EYS: variants seen among roughly 807,000 people sequenced by gnomAD.
EYS encodes EGF-like photoreceptor maintenance factor.
In EYS, 250 loss-of-function variants were observed where a neutral mutation model predicts 282.1. That is an observed-to-expected ratio of 0.89 (90% CI 0.80 to 0.98). The LOEUF is 0.98. Ranked by LOEUF, EYS falls within the 50% of genes least tolerant of loss-of-function variation. The pLI, the probability that EYS is intolerant of heterozygous loss-of-function variation, is 0.00. For missense variants in EYS, 4,016 were observed against 3,709.0 expected, an observed-to-expected ratio of 1.08 and a Z score of -2.15; for synonymous variants, 1,355 against 1,282.9, an observed-to-expected ratio of 1.06 and a Z score of -1.20.
In EYS at chr6:64,138,530, G is replaced by A. The variant is rs542252227; in HGVS notation, c.6425-56528C>T. ...AGCTGTAATTACGGATATATGTGGGGTGAGGAGAGTCAAGAGAGTATACTT... is the reference window on the plus strand; with the variant it reads ...AGCTGTAATTACGGATATATGTGGGATGAGGAGAGTCAAGAGAGTATACTT... On this transcript the variant is annotated intron_variant, in intron 31 of 42. Coordinates refer to ENST00000503581, the MANE Select transcript of EYS (RefSeq NM_001142800.2). Among the ~76,000 whole-genome samples, 12 of 152,276 alleles carry A rather than the reference G, an allele frequency of 7.9e-5. 1 individual carries two copies. The highest frequency in any genetic ancestry group is 2.9e-4 in the African/African-American group (12 of 41,570).
chr6:64,156,535 A>G (rs1774928650), intron 31 of EYS, among the ~76,000 whole-genome samples: 1 of 152,192 alleles, frequency 6.6e-6, no homozygotes, highest in Admixed American at 6.5e-5. Context: ...AGGTTGCAAC[A>G]GTTTGGATGG....
intron 24 of EYS, among the ~76,000 whole-genome samples, chr6:64,602,416 G>C (rs1582943147): frequency 6.6e-6 from 1 of 151,948 alleles, no homozygotes; most frequent in Non-Finnish European, 1.5e-5. Context: ...CCAAATATGA[G>C]AGTTCAATAG....
intron 30 of EYS, among the ~76,000 whole-genome samples, chr6:64,284,023 T>C (rs954844278): frequency 2.0e-5 from 3 of 152,122 alleles, no homozygotes; most frequent in African/African-American, 7.2e-5. Flanking sequence ...ATTCCACCCC[T>C]GGCCCCTCCA....
intron 31 of EYS, among the ~76,000 whole-genome samples, chr6:64,124,325 C>G (rs1773690246): frequency 6.6e-6 from 1 of 152,144 alleles, no homozygotes; most frequent in African/African-American, 2.4e-5. Context: ...CTTGGATACT[C>G]CTACTCTCAT....
chr6:64,452,094 A>G (rs1180510679), intron 26 of EYS, among the ~76,000 whole-genome samples: 1 of 152,074 alleles, frequency 6.6e-6, no homozygotes, highest in Non-Finnish European at 1.5e-5. Flanking sequence ...CAACATGATT[A>G]TATATCTAGA....
chr6:63,811,196 T>G (rs1771037302), intron 36 of EYS, among the ~76,000 whole-genome samples: 1 of 152,214 alleles, frequency 6.6e-6, no homozygotes, highest in Non-Finnish European at 1.5e-5. Context: ...GTTTCTCTGC[T>G]CAACATACTA....
At chr6:64,800,561 A>G (rs1012957659) in intron 22 of EYS, among the ~76,000 whole-genome samples, 17 of 124,828 alleles carry the variant, frequency 1.4e-4, no homozygotes, top group African/African-American at 4.0e-4. Flanking sequence ...TTTTTTCCAA[A>G]GGAAGCTTTT....
chr6:65,379,972 A>C (rs1765546604), intron 8 of EYS, among the ~76,000 whole-genome samples: 1 of 152,132 alleles, frequency 6.6e-6, no homozygotes, highest in South Asian at 2.1e-4. Context: ...AAGAGATGAC[A>C]CAAACAAATG....
chr6:64,902,388 T>C lies in EYS; in HGVS notation c.2738+16A>G. 1.3e-6 allele frequency: 2 copies of C among 1,512,106 alleles called. No individual in the cohort carries two copies. The highest frequency in any genetic ancestry group is 1.8e-6 in the Non-Finnish European group (2 of 1,120,386). The allele number at this position is 1,512,106 out of a possible 1,614,324, so 93.7% of individuals were successfully genotyped here. On this transcript the variant is annotated intron_variant, in intron 17 of 42. Transcript: ENST00000503581. ...CACATAAACATGTATCTAGATACTT[T>C]TTAAGTTTTCTGTACCTGAAATTGT...
intron 33 of EYS, among the ~76,000 whole-genome samples, chr6:64,011,759 C>T (rs1389192745): frequency 6.6e-6 from 1 of 151,976 alleles, no homozygotes; most frequent in Admixed American, 6.6e-5. Context: ...GTGTGTGAAA[C>T]CTAGTTCATG....
chr6:64,141,715 T>C (rs1393362909), intron 31 of EYS, among the ~76,000 whole-genome samples: 1 of 152,226 alleles, frequency 6.6e-6, no homozygotes, highest in Non-Finnish European at 1.5e-5. Context: ...GCATGATCTA[T>C]AGCCTAATTT....
chr6:64,373,892 CCAGCTGAGTTTTACAGAAG>C (rs1325245223), intron 29 of EYS, among the ~76,000 whole-genome samples: 3 of 151,958 alleles, frequency 2.0e-5, no homozygotes, highest in African/African-American at 7.2e-5. Flanking sequence ...GCCGTGCTCT[CCAGCTGAGTTTTACAGAAG>C]CAGGACCACA....
chr6:64,966,864 C>T (rs1770111684), intron 14 of EYS, among the ~76,000 whole-genome samples: 1 of 152,150 alleles, frequency 6.6e-6, no homozygotes, highest in Non-Finnish European at 1.5e-5. Flanking sequence ...TTCACAAGTT[C>T]CACAGGTTCC....
chr6:64,686,910 T>C lies in EYS; in HGVS notation c.3444-60665A>G, dbSNP rs1268335053. Among the ~76,000 whole-genome samples the C allele has an allele frequency of 8.0e-5, 11 of 138,236 alleles. 3 individuals carry two copies. Among genetic ancestry groups the C allele is most frequent in the Non-Finnish European group, 1.4e-4 (9 of 64,480 alleles). The allele number at this position is 138,236 out of a possible 152,430, so 90.7% of individuals were successfully genotyped here. On this transcript the variant is annotated intron_variant, in intron 22 of 42. Coordinates refer to ENST00000503581, the MANE Select transcript of EYS (RefSeq NM_001142800.2). ...ACACACATATATATGTGTATATATA[T>C]ACACACATATATATACGTATATATA...
intron 28 of EYS, among the ~76,000 whole-genome samples, chr6:64,402,997 G>A (rs1265024930): frequency 6.6e-6 from 1 of 152,008 alleles, no homozygotes; most frequent in Non-Finnish European, 1.5e-5. Flanking sequence ...ATTAATCATT[G>A]TGATTCTAAT....
At chr6:64,025,121 AT>A (rs1199762705) in intron 33 of EYS, among the ~76,000 whole-genome samples, 1 of 152,126 alleles carries the variant, frequency 6.6e-6, no homozygotes, top group East Asian at 1.9e-4. Flanking sequence ...CGGGGGCTAA[AT>A]AACCGGGCAC....
At chr6:64,639,570 A>AGGT (rs1768062093) in intron 22 of EYS, among the ~76,000 whole-genome samples, 1 of 91,082 alleles carries the variant, frequency 1.1e-5, no homozygotes, top group African/African-American at 4.2e-5. Flanking sequence ...AATTAATTCA[A>AGGT]GGATTAAAGA....
intron 35 of EYS, among the ~76,000 whole-genome samples, chr6:63,897,157 T>A (rs1773556190): frequency 6.6e-6 from 1 of 152,226 alleles, no homozygotes; most frequent in Non-Finnish European, 1.5e-5. Context: ...ATCCTTCCAA[T>A]TACCTTCAAT....
chr6:64,112,365 G>A (rs2150267202), intron 31 of EYS, among the ~76,000 whole-genome samples: 1 of 152,100 alleles, frequency 6.6e-6, no homozygotes, highest in Middle Eastern at 3.4e-3. Flanking sequence ...CGACTGGGTG[G>A]TGGACGTTCA....
Sources: gnomAD v4.1 joint callset for allele counts (sites outside exome capture counted in the v4.1 genomes callset) on GRCh38, gnomAD v4.1.1 for gene constraint, MANE v1.5 for transcripts, NCBI Gene and HGNC (gene_info 2026-07-23, HGNC 2026-07-21) for gene names.